Variants in PACS1 observed in about 807,000 individuals in gnomAD.
The protein encoded by PACS1 is PACS-1.
PACS1 carries 24 observed loss-of-function variants against 115.0 expected under a neutral mutation model. The observed-to-expected ratio is 0.21, with a 90% CI of 0.15 to 0.29. The LOEUF (loss-of-function observed/expected upper bound fraction) is 0.29. Among genes scored for constraint, PACS1 ranks in the 10% least tolerant of loss-of-function variants. PACS1 has a pLI of 1.00. For synonymous variants in PACS1, 453 were observed against 504.5 expected (o/e 0.90, Z 1.37); for missense variants, 838 against 1,251.2 (o/e 0.67, Z 4.98).
rs80204426 is a variant in PACS1 at position 66,127,664 on chromosome 11, A to G, written c.356+56822A>G. ...TGTGTGTATTTCAGACAGCGGCTCAAGGACTGCTTGTCTCTTTGTAGGAAC... is the reference window on the plus strand; with the variant it reads ...TGTGTGTATTTCAGACAGCGGCTCAGGGACTGCTTGTCTCTTTGTAGGAAC... On this transcript the variant is annotated intron_variant, in intron 1 of 23. Coordinates refer to ENST00000320580, the MANE Select transcript of PACS1 (RefSeq NM_018026.4). 1.2e-3 allele frequency among the ~76,000 whole-genome samples: 181 copies of G among 152,350 alleles called. 2 individuals are homozygous for G. The highest frequency in any genetic ancestry group is 4.2e-3 in the African/African-American group (175 of 41,580).
At chr11:66,090,184 GCTTGA>G (rs927733946) in intron 1 of PACS1, among the ~76,000 whole-genome samples, 4 of 151,280 alleles carry the variant, frequency 2.6e-5, no homozygotes, top group South Asian at 2.1e-4. Flanking sequence ...AAGTGGCTTG[GCTTGA>G]CTTGACTTGG....
chr11:66,133,676 A>T (rs1858756915), intron 1 of PACS1, among the ~76,000 whole-genome samples: 1 of 151,990 alleles, frequency 6.6e-6, no homozygotes, highest in Admixed American at 6.6e-5. Flanking sequence ...CTAACTTTTC[A>T]ATTTTTTTGT....
chr11:66,102,296 C>T lies in PACS1; in HGVS notation c.356+31454C>T, dbSNP rs988491900. ...ACCCTGATAACCACTCTGCATCCAT[C>T]GGATTTACTATTATTATTATTATTA... is the stretch of plus-strand genomic sequence containing the variant. On this transcript the variant is annotated intron_variant, in intron 1 of 23. Coordinates refer to ENST00000320580, the MANE Select transcript of PACS1 (RefSeq NM_018026.4). Among the ~76,000 whole-genome samples the T allele has an allele frequency of 3.3e-5, 5 of 151,596 alleles. 1 individual carries two copies. Among genetic ancestry groups the T allele is most frequent in the South Asian group, 4.1e-4 (2 of 4,824 alleles).
intron 1 of PACS1, among the ~76,000 whole-genome samples, chr11:66,169,095 G>C (rs1167984707): frequency 6.6e-6 from 1 of 150,484 alleles, no homozygotes. Context: ...TTGAATAAAA[G>C]TGGGACTGGT....
chr11:66,096,403 A>G (rs562136109), intron 1 of PACS1, among the ~76,000 whole-genome samples: 12 of 150,384 alleles, frequency 8.0e-5, no homozygotes, highest in Admixed American at 3.3e-4. Flanking sequence ...ATTTCCAAGT[A>G]TTTCATTGAA....
At position 66,233,745 on chromosome 11, in the gene PACS1, C is replaced by T. The variant is rs1263865728; in HGVS notation, c.1839-40C>T. On this transcript the variant is annotated intron_variant, in intron 15 of 23. Coordinates refer to ENST00000320580, the MANE Select transcript of PACS1 (RefSeq NM_018026.4). The surrounding 1 kb of genome is among the most constrained non-coding windows in gnomAD (Gnocchi z 4.5). ...GGGCCTCCCCCGGGCAGGATCCTGG[C>T]ACCCCTGAGCACTGCTATGACGCTC... 1.3e-6 allele frequency: 2 copies of T among 1,563,694 alleles called. No individual in the cohort carries two copies. Among genetic ancestry groups the T allele is most frequent in the African/African-American group, 1.4e-5 (1 of 73,142 alleles).
intron 1 of PACS1, among the ~76,000 whole-genome samples, chr11:66,162,125 T>G (rs1283052159): frequency 4.3e-4 from 56 of 130,078 alleles, no homozygotes; most frequent in African/African-American, 1.3e-3. Context: ...TTTTTTTTTT[T>G]TTTTTTTTTT....
At chr11:66,111,339 C>T (rs1470703200) in intron 1 of PACS1, among the ~76,000 whole-genome samples, 1 of 152,226 alleles carries the variant, frequency 6.6e-6, no homozygotes, top group Non-Finnish European at 1.5e-5. Flanking sequence ...CGGTGCATGA[C>T]TGTACTAGTT....
chr11:66,212,436 C>CTT (rs762291488), intron 4 of PACS1, among the ~76,000 whole-genome samples: 8 of 132,098 alleles, frequency 6.1e-5, no homozygotes, highest in Non-Finnish European at 3.3e-5. Flanking sequence ...CTGGCCTTAA[C>CTT]TTTTTTTTTT....
Position 66,096,502 on chromosome 11 carries a change from AT to A in PACS1, c.356+25677del, listed in dbSNP as rs200631152. Among the ~76,000 whole-genome samples, 718 of 136,768 alleles carry A rather than the reference AT, an allele frequency of 5.2e-3. 7 individuals carry two copies. The highest frequency in any genetic ancestry group is 0.051 in the East Asian group (243 of 4,720). The allele number at this position is 136,768 out of a possible 152,430, so 89.7% of individuals were successfully genotyped here. A position where few individuals can be genotyped will look rare whatever the true frequency, so the allele number is the denominator to read the frequency against. ...GCTTTTATGAATAAAGTTGCTATGAATTTTTTTTTTTTTTTTTGAGACGGGA... is the reference window on the plus strand; with the variant it reads ...GCTTTTATGAATAAAGTTGCTATGAATTTTTTTTTTTTTTTTGAGACGGGA... On this transcript the variant is annotated intron_variant, in intron 1 of 23. Transcript: ENST00000320580.
intron 1 of PACS1, among the ~76,000 whole-genome samples, chr11:66,162,679 A>T (rs1218746875): frequency 6.6e-6 from 1 of 152,226 alleles, no homozygotes; most frequent in Non-Finnish European, 1.5e-5. Flanking sequence ...TTAAACCACC[A>T]AGTTTGTGGT....
chr11:66,159,164 G>A (rs183361083), intron 1 of PACS1, among the ~76,000 whole-genome samples: 239 of 152,336 alleles, frequency 1.6e-3, no homozygotes, highest in African/African-American at 5.5e-3. Flanking sequence ...TCGGCCGGGC[G>A]TGGTGGCTCA....
chr11:66,230,402 A>G (rs1855565221), intron 11 of PACS1, 146 bp from the exon 12 acceptor site: 5 of 634,540 alleles, frequency 7.9e-6, no homozygotes, highest in African/African-American at 3.7e-5. Flanking sequence ...CGGCTGAGGC[A>G]GGAGCTTTAG....
Position 66,070,451 on chromosome 11 carries a change from T to TAACCCC in PACS1, c.-36_-35insAACCCC. 1 of 1,181,500 alleles carries TAACCCC rather than the reference T, an allele frequency of 8.5e-7. No homozygotes were observed. 73.2% of individuals were successfully genotyped at this position (1,181,500 alleles called of 1,614,324 possible). On this transcript the variant is annotated 5_prime_UTR_variant, in exon 1 of 24. Transcript: ENST00000320580. The surrounding 1 kb of genome is among the most constrained non-coding windows in gnomAD (Gnocchi z 5.9). ...GGGAAGCCTGGGAGCCAGATCGGCGTCGCCTCGGCCTCCGTAACCCCCGCC... is the reference window on the plus strand; with the variant it reads ...GGGAAGCCTGGGAGCCAGATCGGCGTAACCCCCGCCTCGGCCTCCGTAACCCCCGCC...
At chr11:66,204,242 A>C (rs1233329955) in intron 2 of PACS1, among the ~76,000 whole-genome samples, 1 of 152,216 alleles carries the variant, frequency 6.6e-6, no homozygotes, top group Non-Finnish European at 1.5e-5. Flanking sequence ...ATCTGAATAG[A>C]CATCTCTCAA....
intron 1 of PACS1, among the ~76,000 whole-genome samples, chr11:66,191,465 T>A (rs561558728): frequency 1.4e-4 from 21 of 152,290 alleles, no homozygotes; most frequent in Admixed American, 2.6e-4. Context: ...CACAAAGAGA[T>A]TAGTTAGAAT....
intron 1 of PACS1, among the ~76,000 whole-genome samples, chr11:66,105,277 G>C (rs1348354959): frequency 6.6e-6 from 1 of 152,008 alleles, no homozygotes; most frequent in Admixed American, 6.6e-5. Flanking sequence ...TACAAAATTA[G>C]CCAGGCGAGG....
At position 66,234,217 on chromosome 11, in the gene PACS1, C is replaced by T. The variant is rs1042756001; in HGVS notation, c.2079C>T (p.Phe693=). 1.9e-6 allele frequency: 3 copies of T among 1,613,716 alleles called. No homozygotes were observed. The African/African-American group carries it at 4.0e-5, about 22-fold the overall frequency. The part of the protein sequence containing the change: ...SFLDSGWRDL[F]SRSEPPVSEQ... ...TGGATTCTGGTTGGAGAGATCTGTT[C>T]AGTCGCTCGGAGCCACCAGTGTCAG... The change falls in exon 17 of 24, where the codon TTC becomes TTT. Residue 693 remains phenylalanine, a synonymous_variant. Transcript: ENST00000320580.
At chr11:66,137,896 T>C (rs1220274977) in intron 1 of PACS1, among the ~76,000 whole-genome samples, 1 of 152,164 alleles carries the variant, frequency 6.6e-6, no homozygotes, top group African/African-American at 2.4e-5. Context: ...AAAATGCAAA[T>C]TCTTTTTTTA....
Sources: allele counts gnomAD v4.1 joint callset (sites outside exome capture counted in the v4.1 genomes callset), GRCh38; gene constraint gnomAD v4.1.1; non-coding constraint Gnocchi (gnomAD v3.1); transcripts MANE v1.5; gene names NCBI Gene and HGNC (gene_info 2026-07-23, HGNC 2026-07-21).